Variants in TNRC6B observed in about 807,000 individuals in gnomAD.
TNRC6B encodes the protein trinucleotide repeat-containing gene 6B protein.
A neutral mutation model predicts 203.6 loss-of-function variants in TNRC6B; 52 were observed. The observed-to-expected ratio is 0.26, with a 90% CI of 0.20 to 0.32. The LOEUF (loss-of-function observed/expected upper bound fraction) is 0.32. Among genes scored for constraint, TNRC6B ranks in the 10% least tolerant of loss-of-function variants. The pLI, the probability that TNRC6B is intolerant of heterozygous loss-of-function variation, is 1.00. For synonymous variants in TNRC6B, 838 were observed against 845.7 expected, an observed-to-expected ratio of 0.99 and a Z score of 0.16; for missense variants, 1,923 against 2,286.2, an observed-to-expected ratio of 0.84 and a Z score of 3.24.
At chr22:40,101,908 G>A (rs1001464475) in intron 1 of TNRC6B, among the ~76,000 whole-genome samples, 8 of 152,184 alleles carry the variant, frequency 5.3e-5, no homozygotes, top group African/African-American at 1.7e-4. Context: ...CATTATGACA[G>A]ATGACTTTGC....
intron 4 of TNRC6B, among the ~76,000 whole-genome samples, chr22:40,264,281 C>T (rs2070436927): frequency 6.6e-6 from 1 of 152,132 alleles, no homozygotes; most frequent in Non-Finnish European, 1.5e-5. Flanking sequence ...TATTCTTGTG[C>T]ACTAAGGAAC....
chr22:40,251,226 T>C (rs375246889), intron 3 of TNRC6B, 26 bp downstream of exon 3: 26 of 1,512,030 alleles, frequency 1.7e-5, no homozygotes, highest in African/African-American at 4.2e-5. Context: ...TCTTTTTAAA[T>C]TATTTAGAAC....
Position 40,334,373 on chromosome 22 carries a change from G to C in TNRC6B, c.*11132G>C, listed in dbSNP as rs547429035. On this transcript the variant is annotated 3_prime_UTR_variant, in exon 23 of 23. Transcript: ENST00000454349. Reference sequence around the variant, plus strand: ...TAAGGTGCAGGAACATTTTTAACAGGTTTTAAAAAAACAAAAAACCCTTCT... The same window carrying C: ...TAAGGTGCAGGAACATTTTTAACAGCTTTTAAAAAAACAAAAAACCCTTCT... The C allele has an allele frequency of 2.6e-5, 4 of 152,292 alleles. No individual in the cohort carries two copies. In the South Asian group the frequency reaches 8.3e-4, roughly 32 times the overall value. The allele number at this position is 152,292 out of a possible 1,614,324, so 9.4% of individuals were successfully genotyped here.
At position 40,265,730 on chromosome 22, in the gene TNRC6B, C is replaced by T. The variant is rs1343286053; in HGVS notation, c.1500C>T (p.Asn500=). 1 of 1,613,812 alleles carries T rather than the reference C, an allele frequency of 6.2e-7. No individual in the cohort carries two copies. Among genetic ancestry groups the T allele is most frequent in the Non-Finnish European group, 8.5e-7 (1 of 1,179,884 alleles). Residue 500 remains asparagine, a synonymous_variant, in exon 5 of 23, where the codon AAC becomes AAT. Coordinates refer to ENST00000454349, the MANE Select transcript of TNRC6B (RefSeq NM_001162501.2). The part of the protein sequence containing the change: ...DSNDNKWGEG[N]KMTSGVSQGE... ...ATGACAACAAATGGGGTGAAGGGAA[C>T]AAAATGACATCTGGGGTCTCTCAGG...
intron 3 of TNRC6B, among the ~76,000 whole-genome samples, chr22:40,137,825 AAT>A (rs1229506898): frequency 6.6e-6 from 1 of 152,050 alleles, no homozygotes; most frequent in African/African-American, 2.4e-5. Context: ...CTCTACTAAA[AAT>A]ACAAAAATTA....
intron 1 of TNRC6B, chr22:40,106,229 G>T: frequency 8.8e-6 from 3 of 341,064 alleles, no homozygotes; most frequent in South Asian, 4.0e-5. Context: ...TCATTTTCTC[G>T]AGGTTGTCTT....
intron 1 of TNRC6B, among the ~76,000 whole-genome samples, chr22:40,056,684 G>C (rs764627718): frequency 9.2e-5 from 14 of 151,680 alleles, no homozygotes; most frequent in Non-Finnish European, 1.5e-4. Flanking sequence ...TGTAGTCCTA[G>C]CTACTCAAAA....
chr22:40,285,997 T>A (rs1056657401), intron 12 of TNRC6B, among the ~76,000 whole-genome samples: 4 of 152,264 alleles, frequency 2.6e-5, no homozygotes, highest in Non-Finnish European at 4.4e-5. Flanking sequence ...TCATTTTTTA[T>A]TTCATCATGC....
chr22:40,232,062 A>T lies in TNRC6B; in HGVS notation c.6-13953A>T, dbSNP rs140824276. Among the ~76,000 whole-genome samples the T allele has an allele frequency of 4.2e-3, 643 of 152,316 alleles. 4 individuals carry two copies. The highest frequency in any genetic ancestry group is 0.014 in the African/African-American group (574 of 41,558). On this transcript the variant is annotated intron_variant, in intron 1 of 22. Coordinates refer to ENST00000454349, the MANE Select transcript of TNRC6B (RefSeq NM_001162501.2). ...GGAGAGGTGGTGATGGCAGTTTGAC[A>T]GTCTGGCACTGACGGTATTAATAGA... is the stretch of plus-strand genomic sequence containing the variant.
chr22:40,310,048 T>G (rs2071152934), intron 16 of TNRC6B, among the ~76,000 whole-genome samples: 1 of 152,228 alleles, frequency 6.6e-6, no homozygotes, highest in South Asian at 2.1e-4. Flanking sequence ...AAAATTTTAT[T>G]CAAAGTGCAT....
intron 3 of TNRC6B, among the ~76,000 whole-genome samples, chr22:40,254,502 G>A (rs537628148): frequency 2.0e-5 from 3 of 152,166 alleles, no homozygotes; most frequent in Non-Finnish European, 2.9e-5. Context: ...CCTGGGCAAT[G>A]GAGCAAGACC....
intron 1 of TNRC6B, among the ~76,000 whole-genome samples, chr22:40,226,904 C>T (rs1261423974): frequency 6.6e-6 from 1 of 151,660 alleles, no homozygotes; most frequent in Non-Finnish European, 1.5e-5. Flanking sequence ...CTCCTAGAAC[C>T]ACTAGTTTTT....
Position 40,300,592 on chromosome 22 carries a change from T to A in TNRC6B, c.3840+6T>A. On this transcript the variant is annotated splice_donor_region_variant and intron_variant, in intron 13 of 22. Transcript: ENST00000454349. ...AAATTCCCCAGTTTCAGTTGGTAAGTAGAAGATTTTCTTCCTGTGGCTAAA... is the reference window on the plus strand; with the variant it reads ...AAATTCCCCAGTTTCAGTTGGTAAGAAGAAGATTTTCTTCCTGTGGCTAAA... 6.3e-7 allele frequency: 1 copy of A among 1,594,742 alleles called. No homozygotes were observed. The highest frequency in any genetic ancestry group is 2.2e-5 in the East Asian group (1 of 44,832).
At chr22:40,212,641 TTTTG>T (rs975584028) in intron 1 of TNRC6B, among the ~76,000 whole-genome samples, 6 of 152,114 alleles carry the variant, frequency 3.9e-5, no homozygotes, top group Admixed American at 1.3e-4. Flanking sequence ...GGTATTTCTT[TTTTG>T]TTTGTTTGTT....
At chr22:40,308,890 G>C (rs565460359) in intron 16 of TNRC6B, among the ~76,000 whole-genome samples, 1 of 152,350 alleles carries the variant, frequency 6.6e-6, no homozygotes, top group African/African-American at 2.4e-5. Flanking sequence ...AGTGAACTTG[G>C]GCACCCACCA....
At chr22:40,155,536 T>C (rs1212193161) in intron 3 of TNRC6B, among the ~76,000 whole-genome samples, 2 of 151,966 alleles carry the variant, frequency 1.3e-5, no homozygotes, top group African/African-American at 2.4e-5. Flanking sequence ...ATCTGCCCGC[T>C]TTGGCCTCCC....
intron 4 of TNRC6B, 80 bp downstream of exon 4, chr22:40,262,253 A>G: frequency 7.9e-7 from 1 of 1,262,380 alleles, no homozygotes; most frequent in Non-Finnish European, 1.0e-6. Flanking sequence ...TGTAAAGTCC[A>G]GGAAAGCCAT....
intron 22 of TNRC6B, chr22:40,321,653 G>T: frequency 6.0e-6 from 1 of 168,030 alleles, no homozygotes; most frequent in South Asian, 1.6e-4. Context: ...AGGCGTGGGG[G>T]CGCATGCCTG....
Position 40,331,476 on chromosome 22 carries a change from C to G in TNRC6B, c.*8235C>G, listed in dbSNP as rs2071464930. On this transcript the variant is annotated 3_prime_UTR_variant, in exon 23 of 23. Transcript: ENST00000454349. ...ATTTCCATGATTCCTCAGAGCTCCC[C>G]CAAAGAGGAGAACAGTCCCTCCCAC... is the stretch of plus-strand genomic sequence containing the variant. 2.8e-6 allele frequency: 1 copy of G among 360,166 alleles called. No homozygotes were observed. Among genetic ancestry groups the G allele is most frequent in the African/African-American group, 2.1e-5 (1 of 47,894 alleles). The allele number at this position is 360,166 out of a possible 1,614,324, so 22.3% of individuals were successfully genotyped here.
Sources: allele counts gnomAD v4.1 joint callset (sites outside exome capture counted in the v4.1 genomes callset), GRCh38; gene constraint gnomAD v4.1.1; transcripts MANE v1.5; gene names NCBI Gene and HGNC (gene_info 2026-07-23, HGNC 2026-07-21).